CTNND1: variants seen among roughly 807,000 people sequenced by gnomAD.
CTNND1 encodes catenin delta-1.
In CTNND1, 16 loss-of-function variants were observed where a neutral mutation model predicts 112.1. The ratio of observed to expected loss-of-function variants is 0.14; its 90% CI spans 0.10 to 0.22. The LOEUF is 0.22. Ranked by LOEUF, CTNND1 falls within the 10% of genes least tolerant of loss-of-function variation. The probability of loss-of-function intolerance (pLI) is 1.00; values close to 1 mark genes in which losing one functional copy is unlikely to be tolerated. For missense variants in CTNND1, 1,008 were observed against 1,257.0 expected, an observed-to-expected ratio of 0.80 and a Z score of 3.00; for synonymous variants, 420 against 446.5, an observed-to-expected ratio of 0.94 and a Z score of 0.75.
chr11:57,815,411 C>T lies in CTNND1; in HGVS notation c.2719C>T (p.Pro907Ser). ...TTAACCAGATAACAACTATTCCACA[C>T]CAAATGAGAGAGGAGACCACAATAG... ...TKSLDNNYST[P>S]NERGDHNRTL... Residue 907 changes from proline (P) to serine (S), a missense_variant, in exon 19 of 21, where the codon CCA (proline) becomes TCA (serine). Pro to Ser is a moderately conservative substitution (Grantham distance 74). Around this residue, in one of 5 missense-constraint regions of CTNND1, gnomAD observed 106 missense variants for 116.2 expected, o/e 0.91. Transcript: ENST00000399050. 1.2e-6 allele frequency: 2 copies of T among 1,600,328 alleles called. No individual in the cohort carries two copies. Among genetic ancestry groups the T allele is most frequent in the Non-Finnish European group, 1.7e-6 (2 of 1,175,288 alleles).
chr11:57,786,190 ATTTTT>A (rs10715396), intron 1 of CTNND1, among the ~76,000 whole-genome samples: 3 of 132,608 alleles, frequency 2.3e-5, no homozygotes, highest in Non-Finnish European at 3.3e-5. Context: ...GAATTCTTTG[ATTTTT>A]TTTTTTTTTT....
chr11:57,808,208 C>G lies in CTNND1; in HGVS notation c.2007C>G (p.Ile669Met). The G allele has an allele frequency of 6.2e-7, 1 of 1,613,866 alleles. No homozygotes were observed. Among genetic ancestry groups the G allele is most frequent in the Non-Finnish European group, 8.5e-7 (1 of 1,179,782 alleles). Residue 669 changes from isoleucine to methionine, a missense_variant, in exon 13 of 21, where the codon ATC becomes ATG. Ile to Met is a conservative substitution (Grantham distance 10). This residue lies in a region of CTNND1 where 254 missense variants were observed against 279.5 expected (regional missense o/e 0.91). Coordinates refer to ENST00000399050, the MANE Select transcript of CTNND1 (RefSeq NM_001085458.2). ...LFQPEVVRIY[I>M]SLLKESKTPA... is the part of the protein sequence containing the mutation. ...AGCCAGAGGTGGTTCGGATATACATCTCACTTCTTAAGGAGAGCAAGACTC... is the reference window on the plus strand; with the variant it reads ...AGCCAGAGGTGGTTCGGATATACATGTCACTTCTTAAGGAGAGCAAGACTC...
At chr11:57,799,669 C>T (rs1421193337) in intron 6 of CTNND1, among the ~76,000 whole-genome samples, 1 of 152,118 alleles carries the variant, frequency 6.6e-6, no homozygotes, top group South Asian at 2.1e-4. Flanking sequence ...AAAGAATGTC[C>T]AATCCACTGC....
At chr11:57,806,512 C>G (rs753402777) in intron 11 of CTNND1, 34 bp downstream of exon 11, 5 of 1,574,794 alleles carry the variant, frequency 3.2e-6, no homozygotes, top group Non-Finnish European at 3.5e-6. Context: ...TTATCTACTT[C>G]TAATTTGCAT....
chr11:57,807,672 C>A (rs902430484), intron 12 of CTNND1, among the ~76,000 whole-genome samples: 1 of 146,694 alleles, frequency 6.8e-6, no homozygotes, highest in African/African-American at 2.5e-5. Context: ...AAATTTGGAT[C>A]TTTATATTCA....
intron 1 of CTNND1, among the ~76,000 whole-genome samples, chr11:57,780,007 T>TA (rs920439506): frequency 1.3e-4 from 19 of 149,454 alleles, no homozygotes; most frequent in Non-Finnish European, 2.1e-4. Flanking sequence ...CCCCTCTCCG[T>TA]AAAAAAAATG....
intron 1 of CTNND1, among the ~76,000 whole-genome samples, chr11:57,774,547 A>G (rs568471533): frequency 9.2e-5 from 14 of 152,304 alleles, no homozygotes; most frequent in African/African-American, 1.7e-4. Context: ...TCTAGACTGA[A>G]TAATGATCTG....
intron 6 of CTNND1, among the ~76,000 whole-genome samples, chr11:57,797,698 T>C (rs1465726395): frequency 2.7e-5 from 4 of 150,768 alleles, no homozygotes; most frequent in African/African-American, 7.3e-5. Flanking sequence ...CAAAATTAGC[T>C]GGGCGTAGTG....
intron 1 of CTNND1, among the ~76,000 whole-genome samples, chr11:57,772,222 G>A (rs537471658): frequency 6.6e-6 from 1 of 151,064 alleles, no homozygotes; most frequent in African/African-American, 2.4e-5. Flanking sequence ...GTGAGCTACT[G>A]TGCCCAGCCC....
Position 57,808,464 on chromosome 11 carries a change from A to T in CTNND1, c.2166A>T (p.Glu722Asp). The change falls in exon 14 of 21, where the codon GAA becomes GAT. Residue 722 changes from glutamate (E) to aspartate (D), a missense_variant. Physicochemically the swap from Glu to Asp is conservative, Grantham distance 45. This residue lies in a region of CTNND1 where 254 missense variants were observed against 279.5 expected (regional missense o/e 0.91). Coordinates refer to ENST00000399050, the MANE Select transcript of CTNND1 (RefSeq NM_001085458.2). ...CCATAGCTGACCTCCTGACTAATGA[A>T]CATGAACGGGTGGTGAAAGCTGCAT... ...LSAIADLLTNEHERVVKAASG... is the reference protein window; with the variant it reads ...LSAIADLLTNDHERVVKAASG... The T allele has an allele frequency of 6.2e-7, 1 of 1,613,402 alleles. No homozygotes were observed. The highest frequency in any genetic ancestry group is 8.5e-7 in the Non-Finnish European group (1 of 1,179,612).
intron 18 of CTNND1, 31 bp downstream of exon 18, chr11:57,814,404 G>C: frequency 6.5e-7 from 1 of 1,549,532 alleles, no homozygotes; most frequent in Non-Finnish European, 8.9e-7. Context: ...TAAGGATGTG[G>C]AGTAATATTT....
At position 57,803,813 on chromosome 11, in the gene CTNND1, A is replaced by G; in HGVS notation, c.1604+9A>G. 1 of 1,553,442 alleles carries G rather than the reference A, an allele frequency of 6.4e-7. No homozygotes were observed. The highest frequency in any genetic ancestry group is 8.7e-7 in the Non-Finnish European group (1 of 1,150,682). On this transcript the variant is annotated intron_variant, in intron 8 of 20. Coordinates refer to ENST00000399050, the MANE Select transcript of CTNND1 (RefSeq NM_001085458.2). ...ACAGCTGGCTGCCTTAGGTAACAGT[A>G]GGGACTTTGAGAATATGAAGATGAA...
intron 1 of CTNND1, among the ~76,000 whole-genome samples, chr11:57,762,511 TA>T (rs1950074071): frequency 6.6e-6 from 1 of 152,216 alleles, no homozygotes; most frequent in African/African-American, 2.4e-5. Context: ...TTCATATGTT[TA>T]AAACTTTTTT....
chr11:57,795,479 TC>T lies in CTNND1; in HGVS notation c.268-95del, dbSNP rs2136880821. 3.0e-6 allele frequency: 4 copies of T among 1,322,060 alleles called. No individual in the cohort carries two copies. The South Asian group carries it at 5.5e-5, about 18-fold the overall frequency. The allele number at this position is 1,322,060 out of a possible 1,614,324, so 81.9% of individuals were successfully genotyped here. ...AGGCCTATAGAAGATGCATGAGGAG[TC>T]CCTGTCTCCAGGTTTACCACTTATG... On this transcript the variant is annotated intron_variant, in intron 4 of 20. Coordinates refer to ENST00000399050, the MANE Select transcript of CTNND1 (RefSeq NM_001085458.2).
intron 6 of CTNND1, among the ~76,000 whole-genome samples, chr11:57,801,241 A>G (rs1276504787): frequency 2.0e-5 from 3 of 152,198 alleles, no homozygotes; most frequent in African/African-American, 7.2e-5. Context: ...AATGTATTTA[A>G]AGGTCTTATC....
At chr11:57,805,457 G>A (rs1259019745) in intron 9 of CTNND1, among the ~76,000 whole-genome samples, 3 of 151,760 alleles carry the variant, frequency 2.0e-5, no homozygotes, top group Non-Finnish European at 4.4e-5. Context: ...TGGTCAGGCT[G>A]GTTTTGAACT....
At chr11:57,781,565 C>T (rs1358691072) in intron 1 of CTNND1, 1 of 152,072 alleles carries the variant, frequency 6.6e-6, no homozygotes, top group African/African-American at 2.4e-5. Flanking sequence ...TCTTTGTTTC[C>T]TTATCGGCCT....
intron 6 of CTNND1, among the ~76,000 whole-genome samples, chr11:57,801,374 T>C (rs2062003642): frequency 6.6e-6 from 1 of 152,204 alleles, no homozygotes; most frequent in African/African-American, 2.4e-5. Context: ...TTTATCCTGA[T>C]CTCTACCTAG....
chr11:57,815,499 T>C lies in CTNND1; in HGVS notation c.2807T>C (p.Met936Thr). 5 of 1,605,444 alleles carry C rather than the reference T, an allele frequency of 3.1e-6. No individual in the cohort carries two copies. The highest frequency in any genetic ancestry group is 4.3e-6 in the Non-Finnish European group (5 of 1,173,156). Residue 936 changes from methionine to threonine, a missense_variant and splice_region_variant, in exon 19 of 21, where the codon ATG (methionine) becomes ACG (threonine). Around this residue, in one of 5 missense-constraint regions of CTNND1, gnomAD observed 106 missense variants for 116.2 expected, o/e 0.91. Transcript: ENST00000399050. ...MEPLKGTTPLMQDEGQESLEE... is the reference protein window; with the variant it reads ...MEPLKGTTPLTQDEGQESLEE... ...CCATTGAAGGGAACAACACCCTTGA[T>C]GGTAAATTCTCTTTATATACTGCTA...
Sources: allele counts gnomAD v4.1 joint callset (sites outside exome capture counted in the v4.1 genomes callset), GRCh38; gene constraint gnomAD v4.1.1; regional missense constraint gnomAD v4.1.1; transcripts MANE v1.5; gene names NCBI Gene and HGNC (gene_info 2026-07-23, HGNC 2026-07-21).